STXBP6: variants seen among roughly 807,000 people sequenced by gnomAD.
The protein encoded by STXBP6 is syntaxin binding protein 6, also known as syntaxin-binding protein 6.
Under a neutral mutation model 26.9 loss-of-function variants are expected in STXBP6, and 21 were observed. That is an observed-to-expected ratio of 0.78 (90% CI 0.55 to 1.12). STXBP6 has a LOEUF of 1.12. STXBP6 is among the 50% of genes most tolerant of loss of function. STXBP6 has a pLI of 0.00. For missense variants in STXBP6, 232 were observed against 257.9 expected (o/e 0.90, Z 0.69); for synonymous variants, 97 against 92.6 (o/e 1.05, Z -0.27).
intron 1 of STXBP6, among the ~76,000 whole-genome samples, chr14:24,987,528 T>C (rs1254426298): frequency 6.6e-6 from 1 of 152,256 alleles, no homozygotes; most frequent in Non-Finnish European, 1.5e-5. Context: ...GTCAGCTTCT[T>C]ATTTGCAAAA....
At chr14:24,992,534 G>T (rs2074499778) in intron 1 of STXBP6, among the ~76,000 whole-genome samples, 1 of 152,208 alleles carries the variant, frequency 6.6e-6, no homozygotes, top group African/African-American at 2.4e-5. Context: ...AAGCTTTGCA[G>T]ACCAGAGTTG....
chr14:24,924,649 A>G (rs2072098156), intron 2 of STXBP6, among the ~76,000 whole-genome samples: 1 of 152,118 alleles, frequency 6.6e-6, no homozygotes, highest in Admixed American at 6.5e-5. Context: ...CTGTCTAAGA[A>G]TTCAATAAGG....
chr14:24,872,088 TAAAC>T (rs1353244809), intron 2 of STXBP6, among the ~76,000 whole-genome samples: 2 of 152,074 alleles, frequency 1.3e-5, no homozygotes. Context: ...ATCAAACAAA[TAAAC>T]AGAGAAACTA....
At chr14:24,985,339 C>T (rs926206414) in intron 1 of STXBP6, among the ~76,000 whole-genome samples, 1 of 152,220 alleles carries the variant, frequency 6.6e-6, no homozygotes, top group Non-Finnish European at 1.5e-5. Context: ...CAGTTTGCAA[C>T]AGGAGTCAAC....
At chr14:24,946,777 T>C (rs547564058) in intron 2 of STXBP6, among the ~76,000 whole-genome samples, 2 of 152,128 alleles carry the variant, frequency 1.3e-5, no homozygotes, top group Non-Finnish European at 2.9e-5. Flanking sequence ...CACAAAAGCA[T>C]TGTTGGTACT....
chr14:24,813,613 T>C (rs1243068483), intron 5 of STXBP6, among the ~76,000 whole-genome samples: 1 of 152,194 alleles, frequency 6.6e-6, no homozygotes, highest in Admixed American at 6.5e-5. Context: ...TAGGGTTCTG[T>C]GGCTCAGAAA....
chr14:25,027,949 A>G (rs2140453070), intron 1 of STXBP6, among the ~76,000 whole-genome samples: 1 of 152,352 alleles, frequency 6.6e-6, no homozygotes, highest in African/African-American at 2.4e-5. Context: ...GAAAGGCTCT[A>G]ACTCTCTTCA....
At chr14:24,815,940 T>C (rs181420540) in intron 5 of STXBP6, 5 of 152,338 alleles carry the variant, frequency 3.3e-5, no homozygotes, top group Admixed American at 3.3e-4. Context: ...AGGATCATTT[T>C]CTATCTGCAC....
intron 2 of STXBP6, among the ~76,000 whole-genome samples, chr14:24,896,876 A>G (rs556189201): frequency 6.6e-6 from 1 of 152,270 alleles, no homozygotes; most frequent in East Asian, 1.9e-4. Context: ...CTGAGCTGGT[A>G]AGTGTTAGTG....
chr14:24,985,882 T>C (rs2074318371), intron 1 of STXBP6, among the ~76,000 whole-genome samples: 1 of 152,190 alleles, frequency 6.6e-6, no homozygotes, highest in Admixed American at 6.5e-5. Flanking sequence ...ATTACCTCAC[T>C]TAACACATAA....
At position 24,857,089 on chromosome 14, in the gene STXBP6, C is replaced by G; in HGVS notation, c.223G>C (p.Val75Leu). ...TCGAGCATCCACTGTGATCTCCGAA[C>G]AAATGATGTGGAGCCTTCAAACTGT... The part of the protein sequence containing the change: ...VKQFEGSTSF[V>L]RRSQWMLEQL... The change falls in exon 3 of 6, where the codon GTT becomes CTT. Residue 75 changes from valine (V) to leucine (L), a missense_variant. Physicochemically the swap from Val to Leu is conservative, Grantham distance 32. Coordinates refer to ENST00000323944, the MANE Select transcript of STXBP6 (RefSeq NM_001394410.1). The G allele has an allele frequency of 6.2e-7, 1 of 1,612,944 alleles. No homozygotes were observed. The highest frequency in any genetic ancestry group is 2.2e-5 in the East Asian group (1 of 44,868).
intron 2 of STXBP6, among the ~76,000 whole-genome samples, chr14:24,863,590 A>G (rs528455212): frequency 6.6e-6 from 1 of 152,312 alleles, no homozygotes; most frequent in Admixed American, 6.5e-5. Context: ...AGAGATATCA[A>G]GAGACTAGAA....
rs538071422 is a variant in STXBP6 at position 24,815,509 on chromosome 14, T to C, written c.610-2777A>G. 7.6e-4 allele frequency among the ~76,000 whole-genome samples: 114 copies of C among 150,202 alleles called. 5 individuals are homozygous for C. The South Asian group carries it at 0.023, about 30-fold the overall frequency. ...TTTATAATAATATAATATTATATAT[T>C]ATAAGACCTGTGCTCCGAAGACCCA... is the stretch of plus-strand genomic sequence containing the variant. On this transcript the variant is annotated intron_variant, in intron 5 of 5. Coordinates refer to ENST00000323944, the MANE Select transcript of STXBP6 (RefSeq NM_001394410.1).
At chr14:25,027,404 C>T (rs953911296) in intron 1 of STXBP6, among the ~76,000 whole-genome samples, 1 of 152,174 alleles carries the variant, frequency 6.6e-6, no homozygotes, top group Admixed American at 6.5e-5. Flanking sequence ...TGGAGTGCCA[C>T]AAACCATGCC....
At chr14:25,045,241 A>G (rs1258706370) in intron 1 of STXBP6, among the ~76,000 whole-genome samples, 1 of 152,180 alleles carries the variant, frequency 6.6e-6, no homozygotes, top group African/African-American at 2.4e-5. Flanking sequence ...TGTCGTTGAT[A>G]TAGTTAACTA....
chr14:24,944,737 C>T (rs1217524564), intron 2 of STXBP6, among the ~76,000 whole-genome samples: 1 of 152,098 alleles, frequency 6.6e-6, no homozygotes, highest in Non-Finnish European at 1.5e-5. Context: ...GCACTGCTGT[C>T]CTAGGTTTTG....
intron 2 of STXBP6, among the ~76,000 whole-genome samples, chr14:24,868,370 GAAGCA>G (rs1157081248): frequency 6.6e-6 from 1 of 152,082 alleles, no homozygotes; most frequent in Non-Finnish European, 1.5e-5. Context: ...TCATTAGGGA[GAAGCA>G]AATTAAAACC....
intron 2 of STXBP6, among the ~76,000 whole-genome samples, chr14:24,861,195 A>T (rs2069526508): frequency 1.3e-5 from 2 of 152,146 alleles, no homozygotes; most frequent in South Asian, 4.1e-4. Flanking sequence ...CTTACAGTTA[A>T]GTGAAGGTCC....
In STXBP6 at chr14:24,850,127, G is replaced by A. The variant is rs994697396; in HGVS notation, c.451+5809C>T. The stretch of plus-strand genomic sequence containing the variant: ...AATCACTTTTTTTTTCCATGCCTGG[G>A]ACACGCACAAGGTGAAATAGTTGCA... On this transcript the variant is annotated intron_variant, in intron 4 of 5. Coordinates refer to ENST00000323944, the MANE Select transcript of STXBP6 (RefSeq NM_001394410.1). Among the ~76,000 whole-genome samples, 11 of 151,982 alleles carry A rather than the reference G, an allele frequency of 7.2e-5. 1 individual carries two copies. The highest frequency in any genetic ancestry group is 6.3e-3 in the Middle Eastern group (2 of 316).
Sources: allele counts gnomAD v4.1 joint callset (sites outside exome capture counted in the v4.1 genomes callset), GRCh38; gene constraint gnomAD v4.1.1; transcripts MANE v1.5; gene names NCBI Gene and HGNC (gene_info 2026-07-23, HGNC 2026-07-21).